The following CTNNA2 variants were observed in gnomAD, a reference collection of about 807,000 sequenced individuals.
CTNNA2 encodes catenin alpha 2, also known as catenin alpha-2.
A neutral mutation model predicts 101.0 loss-of-function variants in CTNNA2; 42 were observed. The observed-to-expected ratio is 0.42, with a 90% confidence interval of 0.32 to 0.54. The LOEUF (loss-of-function observed/expected upper bound fraction) is 0.54, where lower values mean the gene tolerates loss of function less well. Ranked by LOEUF, CTNNA2 falls within the 20% of genes least tolerant of loss-of-function variation. The pLI, the probability that CTNNA2 is intolerant of heterozygous loss-of-function variation, is 0.14. For synonymous variants in CTNNA2, 450 were observed against 456.4 expected (o/e 0.99, Z 0.18); for missense variants, 871 against 1,223.1 (o/e 0.71, Z 4.29).
intron 7 of CTNNA2, among the ~76,000 whole-genome samples, chr2:80,371,630 A>C (rs1052018085): frequency 4.6e-5 from 7 of 151,688 alleles, no homozygotes; most frequent in Admixed American, 6.6e-5. Flanking sequence ...GAGAATGGGG[A>C]GCATTGTAGA....
intron 7 of CTNNA2, among the ~76,000 whole-genome samples, chr2:80,153,706 T>C (rs1170994816): frequency 6.6e-6 from 1 of 152,178 alleles, no homozygotes; most frequent in Non-Finnish European, 1.5e-5. Context: ...ATGATATAGC[T>C]AATTAAAACA....
At chr2:80,548,115 G>C (rs953269628) in intron 11 of CTNNA2, among the ~76,000 whole-genome samples, 1 of 152,028 alleles carries the variant, frequency 6.6e-6, no homozygotes, top group Non-Finnish European at 1.5e-5. Flanking sequence ...AGGTATGTTC[G>C]TAATTTGGTT....
At chr2:79,973,293 A>T (rs535113764) in intron 7 of CTNNA2, among the ~76,000 whole-genome samples, 27 of 152,320 alleles carry the variant, frequency 1.8e-4, no homozygotes, top group African/African-American at 6.5e-4. Context: ...CAGGGTAGGC[A>T]TGCAGGCTGA....
At chr2:80,521,660 A>G (rs1689562036) in intron 9 of CTNNA2, among the ~76,000 whole-genome samples, 1 of 152,136 alleles carries the variant, frequency 6.6e-6, no homozygotes, top group African/African-American at 2.4e-5. Flanking sequence ...CTAGGAGCCA[A>G]TGGGGGCAGC....
intron 3 of CTNNA2, among the ~76,000 whole-genome samples, chr2:79,349,198 G>A (rs527241110): frequency 6.6e-6 from 1 of 152,280 alleles, no homozygotes; most frequent in East Asian, 1.9e-4. Context: ...ATAGGGTATT[G>A]CAGCATCAGT....
Position 79,465,448 on chromosome 2 carries a change from A to T in CTNNA2, c.-134-39606A>T, listed in dbSNP as rs188281885. 2.1e-4 allele frequency among the ~76,000 whole-genome samples: 32 copies of T among 152,156 alleles called. 2 individuals carry two copies. In the East Asian group the frequency reaches 6.2e-3, roughly 29 times the overall value. ...TCCAGCTTTGTTCTTTTGGCTTAGG[A>T]TTGTCTTGGCAATGCAGGCTCTTTT... On this transcript the variant is annotated intron_variant, in intron 4 of 21. Coordinates refer to the CTNNA2 transcript ENST00000466387.
chr2:79,346,034 TG>T (rs951204875), intron 3 of CTNNA2, among the ~76,000 whole-genome samples: 7 of 152,072 alleles, frequency 4.6e-5, no homozygotes, highest in African/African-American at 1.7e-4. Context: ...TTCAGAGTTT[TG>T]GGAGCTAATC....
At chr2:79,835,864 C>A (rs1053214769) in intron 3 of CTNNA2, among the ~76,000 whole-genome samples, 1 of 151,734 alleles carries the variant, frequency 6.6e-6, no homozygotes, top group African/African-American at 2.4e-5. Context: ...ATCTCTTGAC[C>A]TCGTGATCCA....
chr2:79,270,273 AT>A (rs1420133805), intron 2 of CTNNA2, among the ~76,000 whole-genome samples: 1 of 152,140 alleles, frequency 6.6e-6, no homozygotes, highest in African/African-American at 2.4e-5. Flanking sequence ...GATTTAGTCA[AT>A]GCCAAACTCT....
chr2:80,267,644 A>T (rs1343247286), intron 7 of CTNNA2, among the ~76,000 whole-genome samples: 5 of 152,170 alleles, frequency 3.3e-5, no homozygotes, highest in Non-Finnish European at 7.3e-5. Context: ...ATGAGAACAT[A>T]AAAAAAGGGT....
At chr2:79,317,791 AC>A (rs1309537647) in intron 3 of CTNNA2, among the ~76,000 whole-genome samples, 1 of 152,082 alleles carries the variant, frequency 6.6e-6, no homozygotes, top group African/African-American at 2.4e-5. Flanking sequence ...AAATATTTTG[AC>A]CTTTTTATGA....
intron 6 of CTNNA2, among the ~76,000 whole-genome samples, chr2:79,904,795 C>T (rs1685309677): frequency 6.6e-6 from 1 of 152,126 alleles, no homozygotes; most frequent in Non-Finnish European, 1.5e-5. Context: ...CTCGGTGTCT[C>T]ATTGTATACT....
chr2:79,606,066 TC>T (rs1473155361), intron 1 of CTNNA2, among the ~76,000 whole-genome samples: 1 of 152,128 alleles, frequency 6.6e-6, no homozygotes, highest in African/African-American at 2.4e-5. Flanking sequence ...TAAAGCATTT[TC>T]CCAGACATAC....
chr2:80,055,144 C>G (rs1051426912), intron 7 of CTNNA2, among the ~76,000 whole-genome samples: 1 of 152,026 alleles, frequency 6.6e-6, no homozygotes, highest in Non-Finnish European at 1.5e-5. Flanking sequence ...CCTTCTGCCC[C>G]ACCTCTCAAA....
In CTNNA2 at chr2:80,259,405, T is replaced by C. The variant is rs142537423; in HGVS notation, c.1057-133806T>C. Among the ~76,000 whole-genome samples, 479 of 152,302 alleles carry C rather than the reference T, an allele frequency of 3.1e-3. 4 individuals carry two copies. Among genetic ancestry groups the C allele is most frequent in the African/African-American group, 0.011 (452 of 41,568 alleles). ...CTCCTGCAGGGCCTTCAATTCCACC[T>C]GGTTGCTTGTCCAGCCCCTGATGAT... On this transcript the variant is annotated intron_variant, in intron 7 of 18. Coordinates refer to ENST00000402739, the MANE Select transcript of CTNNA2 (RefSeq NM_001282597.3).
chr2:79,856,777 G>T (rs930759266), intron 3 of CTNNA2, among the ~76,000 whole-genome samples: 6 of 151,988 alleles, frequency 3.9e-5, no homozygotes, highest in African/African-American at 1.5e-4. Context: ...CATCTAGTCA[G>T]CCCTTAGATC....
chr2:79,396,917 T>C (rs150386677), intron 4 of CTNNA2, among the ~76,000 whole-genome samples: 1 of 152,268 alleles, frequency 6.6e-6, no homozygotes, highest in African/African-American at 2.4e-5. Context: ...TAATTTGTTA[T>C]AGCAGTGGTT....
At chr2:79,782,553 G>C (rs536741019) in intron 3 of CTNNA2, among the ~76,000 whole-genome samples, 2 of 152,258 alleles carry the variant, frequency 1.3e-5, no homozygotes, top group Non-Finnish European at 2.9e-5. Flanking sequence ...CCTTCTTTTA[G>C]ATGTGCTCTC....
At chr2:80,255,828 T>C (rs982993885) in intron 7 of CTNNA2, among the ~76,000 whole-genome samples, 3 of 152,214 alleles carry the variant, frequency 2.0e-5, no homozygotes, top group African/African-American at 4.8e-5. Flanking sequence ...CTCTGTTGGC[T>C]TCACAGGAAT....
Sources: allele counts gnomAD v4.1 joint callset (sites outside exome capture counted in the v4.1 genomes callset), GRCh38; gene constraint gnomAD v4.1.1; transcripts MANE v1.5; gene names NCBI Gene and HGNC (gene_info 2026-07-23, HGNC 2026-07-21).